Variants in SUSD4 observed in about 807,000 individuals in gnomAD.
SUSD4 encodes sushi domain-containing protein 4.
Under a neutral mutation model 50.5 loss-of-function variants are expected in SUSD4, and 41 were observed. That is an observed-to-expected ratio of 0.81 (90% CI 0.63 to 1.05). The LOEUF is 1.05. Ranked by LOEUF, SUSD4 falls within the 50% of genes least tolerant of loss-of-function variation. The probability of loss-of-function intolerance (pLI) is 0.00; values close to 1 mark genes in which losing one functional copy is unlikely to be tolerated. For missense variants in SUSD4, 580 were observed against 634.7 expected, an observed-to-expected ratio of 0.91 and a Z score of 0.93; for synonymous variants, 257 against 257.3, an observed-to-expected ratio of 1.00 and a Z score of 0.01.
chr1:223,252,096 C>T (rs1661353261), intron 5 of SUSD4, among the ~76,000 whole-genome samples: 1 of 147,654 alleles, frequency 6.8e-6, no homozygotes, highest in Non-Finnish European at 1.5e-5. Flanking sequence ...GGAGGGATAG[C>T]ATTAGGAGAT....
chr1:223,227,495 A>T lies in SUSD4; in HGVS notation c.1061+99T>A. The stretch of plus-strand genomic sequence containing the variant: ...TTTTTGCTCTCCCCTGTTTCCCTTT[A>T]GAGCTTCAACTTTTCACTCATCACT... On this transcript the variant is annotated intron_variant, in intron 7 of 8. Coordinates refer to ENST00000366878, the MANE Select transcript of SUSD4 (RefSeq NM_017982.4). The surrounding 1 kb of genome is among the most constrained non-coding windows in gnomAD (Gnocchi z 4.5). 1 of 1,474,974 alleles carries T rather than the reference A, an allele frequency of 6.8e-7. No individual in the cohort carries two copies. Among genetic ancestry groups the T allele is most frequent in the Non-Finnish European group, 9.2e-7 (1 of 1,088,722 alleles). The allele number at this position is 1,474,974 out of a possible 1,614,324, so 91.4% of individuals were successfully genotyped here.
chr1:223,341,208 GT>G (rs749630915), intron 2 of SUSD4, among the ~76,000 whole-genome samples: 1 of 152,176 alleles, frequency 6.6e-6, no homozygotes, highest in Non-Finnish European at 1.5e-5. Flanking sequence ...GTGCCCATCT[GT>G]CCCCCACTAT....
intron 5 of SUSD4, among the ~76,000 whole-genome samples, chr1:223,253,866 A>G (rs2103048981): frequency 6.6e-6 from 1 of 152,340 alleles, no homozygotes; most frequent in East Asian, 1.9e-4. Flanking sequence ...TCGTGGCATA[A>G]GCTAGAGGCT....
intron 2 of SUSD4, among the ~76,000 whole-genome samples, chr1:223,321,597 A>G (rs571565002): frequency 2.0e-4 from 31 of 152,190 alleles, no homozygotes; most frequent in Non-Finnish European, 3.8e-4. Flanking sequence ...CCATGTTTCT[A>G]TCACTAGCGT....
At chr1:223,350,892 C>T (rs1668321102) in intron 2 of SUSD4, among the ~76,000 whole-genome samples, 1 of 152,138 alleles carries the variant, frequency 6.6e-6, no homozygotes, top group Non-Finnish European at 1.5e-5. Context: ...GAATCTAGAA[C>T]ACACAGGCCA....
rs374178534 is a variant in SUSD4, at chr1:223,363,440, G to C, written c.-15C>G. The C allele has an allele frequency of 2.0e-5, 30 of 1,531,790 alleles. No homozygotes were observed. The highest frequency in any genetic ancestry group is 1.2e-4 in the East Asian group (5 of 40,684). 94.9% of individuals were successfully genotyped at this position (1,531,790 alleles called of 1,614,324 possible). On this transcript the variant is annotated 5_prime_UTR_variant, in exon 2 of 9. Transcript: ENST00000366878. ...CCATGATACATCTTTCATCCACAGA[G>C]GGCATCCAGCTTGCAAGAGTCTGCA...
At chr1:223,329,361 A>G (rs1166302601) in intron 2 of SUSD4, among the ~76,000 whole-genome samples, 1 of 152,168 alleles carries the variant, frequency 6.6e-6, no homozygotes, top group African/African-American at 2.4e-5. Flanking sequence ...ATAATTTATC[A>G]TCTCATTCCA....
intron 3 of SUSD4, among the ~76,000 whole-genome samples, chr1:223,285,443 A>G (rs1206612901): frequency 1.3e-5 from 2 of 151,894 alleles, no homozygotes; most frequent in African/African-American, 2.4e-5. Flanking sequence ...TCAATTCACA[A>G]TGCCCCACAG....
intron 2 of SUSD4, among the ~76,000 whole-genome samples, chr1:223,338,418 C>T (rs1667573162): frequency 6.6e-6 from 1 of 152,168 alleles, no homozygotes; most frequent in Non-Finnish European, 1.5e-5. Flanking sequence ...AAGACTGAGG[C>T]AGGAGAGAGG....
chr1:223,223,293 G>A lies in SUSD4; in HGVS notation c.1400C>T (p.Ala467Val), dbSNP rs1659253770. Residue 467 changes from alanine to valine, a missense_variant, in exon 8 of 9, where the codon GCA (alanine) becomes GTA (valine). Physicochemically the swap from Ala to Val is moderately conservative, Grantham distance 64. Transcript: ENST00000366878. ...SDNPDIIAST[A>V]EEVASTSPGI... ...TGGGCTGGTGGATGCCACCTCCTCT[G>A]CCGTGCTGGCAATTATGTCAGGGTT... The A allele has an allele frequency of 1.3e-6, 2 of 1,579,240 alleles. No individual in the cohort carries two copies. The highest frequency in any genetic ancestry group is 1.3e-5 in the African/African-American group (1 of 74,344).
At chr1:223,276,888 T>C (rs17161990) in intron 3 of SUSD4, among the ~76,000 whole-genome samples, 1 of 151,466 alleles carries the variant, frequency 6.6e-6, no homozygotes, top group Non-Finnish European at 1.5e-5. Context: ...AAATTTTAGA[T>C]GATAGAGAAT....
chr1:223,270,756 A>C (rs1456447937), intron 3 of SUSD4, among the ~76,000 whole-genome samples: 1 of 152,034 alleles, frequency 6.6e-6, no homozygotes, highest in Non-Finnish European at 1.5e-5. Context: ...TTTAGTAGAG[A>C]TGGAGTTTCA....
intron 2 of SUSD4, among the ~76,000 whole-genome samples, chr1:223,326,918 A>G (rs938431514): frequency 2.6e-5 from 4 of 152,190 alleles, no homozygotes; most frequent in African/African-American, 9.7e-5. Flanking sequence ...TATAACCTCT[A>G]TGGAAAACAG....
At position 223,231,080 on chromosome 1, in the gene SUSD4, G is replaced by A. The variant is rs371579361; in HGVS notation, c.725-1692C>T. 5.9e-5 allele frequency among the ~76,000 whole-genome samples: 9 copies of A among 152,196 alleles called. No homozygotes were observed. The highest frequency in any genetic ancestry group is 1.9e-4 in the East Asian group (1 of 5,168). ...TGGGCTGGTGGGATGAAGGGGTCTC[G>A]TTGCTGGGGTCCCTAGTGGAAGGTG... On this transcript the variant is annotated intron_variant, in intron 5 of 8. Transcript: ENST00000366878. This position sits in a 1 kb window ranked among gnomAD's most constrained non-coding sequence, Gnocchi z 4.2.
intron 2 of SUSD4, among the ~76,000 whole-genome samples, chr1:223,356,124 C>T (rs1401107302): frequency 6.6e-6 from 1 of 151,690 alleles, no homozygotes. Context: ...AATTACAATA[C>T]TCTCAATTAA....
At chr1:223,346,854 C>A (rs896753644) in intron 2 of SUSD4, among the ~76,000 whole-genome samples, 1 of 152,146 alleles carries the variant, frequency 6.6e-6, no homozygotes, top group Non-Finnish European at 1.5e-5. Flanking sequence ...AAAACATGCC[C>A]TTGGTCCAGG....
In SUSD4 at chr1:223,264,743, GT is replaced by G; in HGVS notation, c.610del (p.Thr204LeufsTer2). On this transcript the variant is annotated frameshift_variant, in exon 5 of 9. Transcript: ENST00000366878. LOFTEE classifies it high-confidence loss of function. ...GGGAAAGCAGCGATAGGAGATCACA[GT>G]CCCCACCGGGAAGGAGGTCTGGAGC... is the stretch of plus-strand genomic sequence containing the variant. ...SELQTSFPVG[T>X]VISYRCFPGF... The G allele has an allele frequency of 6.2e-7, 1 of 1,614,232 alleles. No homozygotes were observed. The highest frequency in any genetic ancestry group is 8.5e-7 in the Non-Finnish European group (1 of 1,180,044).
intron 5 of SUSD4, among the ~76,000 whole-genome samples, chr1:223,237,986 G>A (rs1660334400): frequency 6.6e-6 from 1 of 151,932 alleles, no homozygotes; most frequent in Non-Finnish European, 1.5e-5. Flanking sequence ...AGTGCTTTCT[G>A]TTTGGAAAAG....
At chr1:223,223,167 C>A in intron 8 of SUSD4, 82 bp downstream of exon 8, 2 of 1,485,096 alleles carry the variant, frequency 1.3e-6, no homozygotes, top group Non-Finnish European at 1.8e-6. Context: ...GGGGGTGGAG[C>A]GTGCGTAGCA....
Sources: gnomAD v4.1 joint callset for allele counts (sites outside exome capture counted in the v4.1 genomes callset) on GRCh38, gnomAD v4.1.1 for gene constraint, Gnocchi (gnomAD v3.1) non-coding constraint, MANE v1.5 for transcripts, NCBI Gene and HGNC (gene_info 2026-07-23, HGNC 2026-07-21) for gene names.